The following AFG1L variants were observed in gnomAD, a reference collection of about 807,000 sequenced individuals.
AFG1L encodes the protein AFG1-like ATPase.
A neutral mutation model predicts 62.2 loss-of-function variants in AFG1L; 53 were observed. That is an observed-to-expected ratio of 0.85 (90% CI 0.68 to 1.07). The LOEUF (loss-of-function observed/expected upper bound fraction) is 1.07, where lower values mean the gene tolerates loss of function less well. Ranked by LOEUF, AFG1L falls within the 50% of genes least tolerant of loss-of-function variation. AFG1L has a pLI of 0.00. For missense variants in AFG1L, 555 were observed against 590.5 expected, an observed-to-expected ratio of 0.94 and a Z score of 0.62; for synonymous variants, 228 against 210.3, an observed-to-expected ratio of 1.08 and a Z score of -0.73.
chr6:108,511,265 C>G (rs1774643253), intron 11 of AFG1L, among the ~76,000 whole-genome samples: 1 of 152,078 alleles, frequency 6.6e-6, no homozygotes, highest in African/African-American at 2.4e-5. Context: ...TTGAAGCTCT[C>G]TCTCTCCCTA....
At position 108,522,581 on chromosome 6, in the gene AFG1L, T is replaced by C. The variant is rs1775166410; in HGVS notation, c.*156T>C. 1.4e-6 allele frequency: 1 copy of C among 710,600 alleles called. No individual in the cohort carries two copies. Among genetic ancestry groups the C allele is most frequent in the Admixed American group, 3.4e-5 (1 of 29,808 alleles). The allele number at this position is 710,600 out of a possible 1,614,324, so 44.0% of individuals were successfully genotyped here. ...AATTGCTCTCAAGGATCTAGTGGAT[T>C]AGTAAGTTAAACACTTAACATTTTT... On this transcript the variant is annotated 3_prime_UTR_variant, in exon 13 of 13. Coordinates refer to ENST00000368977, the MANE Select transcript of AFG1L (RefSeq NM_145315.5).
intron 7 of AFG1L, among the ~76,000 whole-genome samples, chr6:108,418,322 G>A (rs891486215): frequency 3.3e-5 from 5 of 152,070 alleles, no homozygotes; most frequent in Non-Finnish European, 5.9e-5. Flanking sequence ...ATTACCTATG[G>A]CTCTTTTTGG....
At chr6:108,318,700 C>T (rs1282065154) in intron 1 of AFG1L, among the ~76,000 whole-genome samples, 3 of 152,150 alleles carry the variant, frequency 2.0e-5, no homozygotes, top group Non-Finnish European at 4.4e-5. Flanking sequence ...AAATAAGGTA[C>T]AAAATTGAAG....
chr6:108,414,930 G>T (rs911016535), intron 7 of AFG1L, among the ~76,000 whole-genome samples: 3 of 152,162 alleles, frequency 2.0e-5, no homozygotes, highest in East Asian at 1.9e-4. Context: ...GGGCAATCAG[G>T]CAAGGGAAAG....
At chr6:108,381,997 GTTT>G (rs768825605) in intron 6 of AFG1L, among the ~76,000 whole-genome samples, 3 of 118,324 alleles carry the variant, frequency 2.5e-5, no homozygotes, top group Admixed American at 1.8e-4. Context: ...TTTATTCACT[GTTT>G]TTTTTTTTTT....
At chr6:108,299,894 G>A (rs1327866121) in intron 1 of AFG1L, among the ~76,000 whole-genome samples, 1 of 152,170 alleles carries the variant, frequency 6.6e-6, no homozygotes, top group Non-Finnish European at 1.5e-5. Flanking sequence ...TAGGAGAGAA[G>A]CCAGGGAGGG....
rs74389703 is a variant in AFG1L at position 108,506,555 on chromosome 6, T to A, written c.1063-3657T>A. ...TCTCCAGATTATTTATAATACCTAG[T>A]GCAATGTAAATGCTATGTAAATAGT... On this transcript the variant is annotated intron_variant, in intron 10 of 12. Transcript: ENST00000368977. 3.4e-4 allele frequency among the ~76,000 whole-genome samples: 51 copies of A among 152,134 alleles called. No homozygotes were observed. The East Asian group carries it at 7.0e-3, about 21-fold the overall frequency.
intron 7 of AFG1L, among the ~76,000 whole-genome samples, chr6:108,407,920 A>G (rs1781929421): frequency 6.6e-6 from 1 of 152,032 alleles, no homozygotes; most frequent in Non-Finnish European, 1.5e-5. Context: ...TGCTAATTCC[A>G]TCATTTCTGG....
intron 1 of AFG1L, among the ~76,000 whole-genome samples, chr6:108,296,558 G>A (rs1412634565): frequency 6.6e-6 from 1 of 151,688 alleles, no homozygotes; most frequent in Non-Finnish European, 1.5e-5. Flanking sequence ...ATAGATAATG[G>A]TATTAAAAAA....
chr6:108,377,467 T>C (rs1230566428), intron 6 of AFG1L, among the ~76,000 whole-genome samples: 1 of 152,214 alleles, frequency 6.6e-6, no homozygotes, highest in Non-Finnish European at 1.5e-5. Context: ...GGCACTTGCT[T>C]GTCTGGAAAA....
intron 7 of AFG1L, among the ~76,000 whole-genome samples, chr6:108,422,497 A>AG: frequency 6.8e-6 from 1 of 147,828 alleles, no homozygotes; most frequent in Non-Finnish European, 1.5e-5. Context: ...AAAAAAAAAA[A>AG]AAGAAGAAGA....
intron 8 of AFG1L, among the ~76,000 whole-genome samples, chr6:108,469,948 C>A (rs1214924262): frequency 6.6e-6 from 1 of 152,126 alleles, no homozygotes; most frequent in Non-Finnish European, 1.5e-5. Flanking sequence ...AGGAGAGAAT[C>A]TAAGGAACTG....
chr6:108,371,546 A>G (rs1434864957), intron 6 of AFG1L, among the ~76,000 whole-genome samples: 9 of 149,128 alleles, frequency 6.0e-5, no homozygotes, highest in Non-Finnish European at 1.0e-4. Context: ...AAATTTTTAA[A>G]TTTTTTGTAG....
intron 6 of AFG1L, 78 bp downstream of exon 6, chr6:108,366,410 A>C (rs1310597497): frequency 1.2e-6 from 1 of 816,392 alleles, no homozygotes; most frequent in Non-Finnish European, 2.0e-6. Context: ...ATTTTGAACT[A>C]AATGTATTGT....
At position 108,399,034 on chromosome 6, in the gene AFG1L, G is replaced by A. The variant is rs568038745; in HGVS notation, c.749-2962G>A. Among the ~76,000 whole-genome samples, 11 of 152,092 alleles carry A rather than the reference G, an allele frequency of 7.2e-5. No individual in the cohort carries two copies. The South Asian group carries it at 2.3e-3, about 32-fold the overall frequency. On this transcript the variant is annotated intron_variant, in intron 6 of 12. Coordinates refer to ENST00000368977, the MANE Select transcript of AFG1L (RefSeq NM_145315.5). ...TTGCATTGAATCTGTAGATTGCTTTGGATAGTATGAGCATTTTAACAATAT... is the reference window on the plus strand; with the variant it reads ...TTGCATTGAATCTGTAGATTGCTTTAGATAGTATGAGCATTTTAACAATAT...
At position 108,512,938 on chromosome 6, in the gene AFG1L, A is replaced by C. The variant is rs528446757; in HGVS notation, c.1203+2586A>C. Among the ~76,000 whole-genome samples, 9 of 152,300 alleles carry C rather than the reference A, an allele frequency of 5.9e-5. No homozygotes were observed. The South Asian group carries it at 1.9e-3, about 32-fold the overall frequency. Reference sequence around the variant, plus strand: ...GATATACCCATGTAAATAATGAAAAATTGTCTTTGATTAAAATAACTTATA... The same window carrying C: ...GATATACCCATGTAAATAATGAAAACTTGTCTTTGATTAAAATAACTTATA... On this transcript the variant is annotated intron_variant, in intron 11 of 12. Transcript: ENST00000368977.
At chr6:108,371,612 A>G (rs1348544942) in intron 6 of AFG1L, among the ~76,000 whole-genome samples, 1 of 149,942 alleles carries the variant, frequency 6.7e-6, no homozygotes, top group African/African-American at 2.5e-5. Context: ...CTATTCTCCC[A>G]CCTTAGCCTC....
At chr6:108,429,428 A>G (rs1423919131) in intron 7 of AFG1L, among the ~76,000 whole-genome samples, 1 of 152,188 alleles carries the variant, frequency 6.6e-6, no homozygotes, top group Non-Finnish European at 1.5e-5. Flanking sequence ...TCACTACCAC[A>G]GGAAGAACAC....
At chr6:108,356,893 A>G in intron 5 of AFG1L, 73 bp downstream of exon 5, 6 of 1,256,168 alleles carry the variant, frequency 4.8e-6, no homozygotes, top group Non-Finnish European at 6.7e-6. Flanking sequence ...TTTGCTCCTG[A>G]TTTTATCATT....
Sources: allele counts gnomAD v4.1 joint callset (sites outside exome capture counted in the v4.1 genomes callset), GRCh38; gene constraint gnomAD v4.1.1; transcripts MANE v1.5; gene names NCBI Gene and HGNC (gene_info 2026-07-23, HGNC 2026-07-21).